Variants in TMC1 observed in about 807,000 individuals in gnomAD.
TMC1 encodes transmembrane channel like 1.
Under a neutral mutation model 105.8 loss-of-function variants are expected in TMC1, and 84 were observed. The ratio of observed to expected loss-of-function variants is 0.79; its 90% CI spans 0.67 to 0.95. TMC1 has a LOEUF of 0.95. TMC1 is among the 40% of genes least tolerant of loss of function. The probability of loss-of-function intolerance (pLI) is 0.00; values close to 1 mark genes in which losing one functional copy is unlikely to be tolerated. For missense variants in TMC1, 817 were observed against 914.1 expected (o/e 0.89, Z 1.37); for synonymous variants, 315 against 311.5 (o/e 1.01, Z -0.12).
chr9:72,730,601 T>C (rs1827195186), intron 8 of TMC1, among the ~76,000 whole-genome samples: 1 of 152,204 alleles, frequency 6.6e-6, no homozygotes, highest in Non-Finnish European at 1.5e-5. Context: ...GGGACCAGTG[T>C]CATGGATGAC....
At chr9:72,643,319 C>T (rs183778737) in intron 4 of TMC1, among the ~76,000 whole-genome samples, 196 of 152,300 alleles carry the variant, frequency 1.3e-3, no homozygotes, top group African/African-American at 4.4e-3. Flanking sequence ...TATACATTCA[C>T]ATGGAGAAAC....
chr9:72,725,789 C>T (rs1275209903), intron 8 of TMC1, among the ~76,000 whole-genome samples: 1 of 152,026 alleles, frequency 6.6e-6, no homozygotes, highest in Non-Finnish European at 1.5e-5. Flanking sequence ...CTCCCGGGTT[C>T]AAGCCATTCT....
chr9:72,562,401 A>G (rs1824072711), intron 1 of TMC1, among the ~76,000 whole-genome samples: 1 of 152,210 alleles, frequency 6.6e-6, no homozygotes, highest in Non-Finnish European at 1.5e-5. Flanking sequence ...TGTAATTTAC[A>G]TTTTTACATA....
intron 1 of TMC1, among the ~76,000 whole-genome samples, chr9:72,564,339 CAT>C (rs962506438): frequency 9.9e-5 from 15 of 152,180 alleles, no homozygotes; most frequent in Admixed American, 5.2e-4. Flanking sequence ...ATCCTGAACA[CAT>C]GTGTTCTTTT....
At chr9:72,651,066 T>C (rs1825807295) in intron 5 of TMC1, 1 of 147,178 alleles carries the variant, frequency 6.8e-6, no homozygotes, top group Non-Finnish European at 1.5e-5. Context: ...ATTTTATATA[T>C]ATATATCTAT....
rs1828342446 is a variant in TMC1, at chr9:72,795,193, G to T, written c.1566+2841G>T. On this transcript the variant is annotated intron_variant, in intron 17 of 23. Coordinates refer to ENST00000297784, the MANE Select transcript of TMC1 (RefSeq NM_138691.3). ...GGGATGGGGAAAAAGCAAACAACTT[G>T]GAAAACATATTTTAGGATATTATCC... Among the ~76,000 whole-genome samples the T allele has an allele frequency of 5.3e-5, 8 of 152,260 alleles. 1 individual carries two copies. In the South Asian group the frequency reaches 1.7e-3, roughly 32 times the overall value.
Position 72,816,197 on chromosome 9 carries a change from C to A in TMC1, c.1750C>A (p.Gln584Lys), listed in dbSNP as rs758288878. The A allele has an allele frequency of 1.2e-6, 2 of 1,613,578 alleles. No individual in the cohort carries two copies. The highest frequency in any genetic ancestry group is 1.7e-6 in the Non-Finnish European group (2 of 1,179,562). ...CAACGTCCTCGCTCTGATCTTCAAC[C>A]AAGGCATGATCTGGTAGGCCAGCTG... The part of the protein sequence containing the change: ...SGNVLALIFN[Q>K]GMIWMGSFFA... The change falls in exon 19 of 24, where the codon CAA becomes AAA. Residue 584 changes from glutamine to lysine, a missense_variant. Gln to Lys is a moderately conservative substitution (Grantham distance 53). Transcript: ENST00000297784.
Position 72,835,999 on chromosome 9 carries a change from G to T in TMC1, c.*26G>T. 1 of 1,590,344 alleles carries T rather than the reference G, an allele frequency of 6.3e-7. No homozygotes were observed. On this transcript the variant is annotated 3_prime_UTR_variant, in exon 24 of 24. Coordinates refer to ENST00000297784, the MANE Select transcript of TMC1 (RefSeq NM_138691.3). ...TAAGTATCCTGAGAGCCCAGAAAAG[G>T]TACACTTTGCCTTGCTGTTTAAAAG... is the stretch of plus-strand genomic sequence containing the variant.
chr9:72,578,890 G>C (rs1824431593), intron 2 of TMC1, among the ~76,000 whole-genome samples: 1 of 152,130 alleles, frequency 6.6e-6, no homozygotes, highest in East Asian at 1.9e-4. Flanking sequence ...TCTCAGAATC[G>C]TAAACTCCCC....
chr9:72,763,235 C>T (rs1827784091), intron 12 of TMC1, among the ~76,000 whole-genome samples: 1 of 151,966 alleles, frequency 6.6e-6, no homozygotes, highest in African/African-American at 2.4e-5. Flanking sequence ...AATATGAAAA[C>T]AGCATTCCTT....
chr9:72,651,012 A>G (rs1019320707), intron 5 of TMC1, among the ~76,000 whole-genome samples: 12 of 146,894 alleles, frequency 8.2e-5, no homozygotes, highest in Non-Finnish European at 1.6e-4. Flanking sequence ...CACATAAGAC[A>G]TAATCTCGTT....
intron 5 of TMC1, among the ~76,000 whole-genome samples, chr9:72,660,787 CAAT>C (rs1237210731): frequency 6.6e-6 from 1 of 152,176 alleles, no homozygotes; most frequent in African/African-American, 2.4e-5. Context: ...CCCCGTATTA[CAAT>C]AATGTCATTC....
intron 23 of TMC1, 131 bp downstream of exon 23, chr9:72,830,813 C>A: frequency 2.5e-6 from 2 of 788,254 alleles, no homozygotes; most frequent in Non-Finnish European, 4.1e-6. Context: ...ATTCCACAAT[C>A]CTTACCTTCC....
At chr9:72,756,191 A>G (rs2118072856) in intron 12 of TMC1, among the ~76,000 whole-genome samples, 1 of 152,340 alleles carries the variant, frequency 6.6e-6, no homozygotes, top group East Asian at 1.9e-4. Flanking sequence ...TTTAAACTGA[A>G]TTATAAACTT....
chr9:72,535,930 T>C (rs1243184604), intron 1 of TMC1, among the ~76,000 whole-genome samples: 2 of 152,124 alleles, frequency 1.3e-5, no homozygotes, highest in Admixed American at 1.3e-4. Flanking sequence ...TGAATGATTC[T>C]CCCCCATGAC....
chr9:72,806,451 C>T (rs1481620535), intron 18 of TMC1, among the ~76,000 whole-genome samples: 2 of 151,490 alleles, frequency 1.3e-5, no homozygotes, highest in East Asian at 2.0e-4. Flanking sequence ...GGAGACGCTC[C>T]TCAGTTCCCA....
intron 4 of TMC1, among the ~76,000 whole-genome samples, chr9:72,647,747 G>A (rs918837602): frequency 4.6e-5 from 7 of 152,086 alleles, no homozygotes; most frequent in Non-Finnish European, 4.4e-5. Flanking sequence ...GCCAAAAGCT[G>A]CTCCAGTATA....
chr9:72,601,552 A>G (rs1177262036), intron 2 of TMC1, among the ~76,000 whole-genome samples: 8 of 152,132 alleles, frequency 5.3e-5, no homozygotes, highest in East Asian at 1.9e-4. Flanking sequence ...GGCTGAGGCC[A>G]GAGAATCGCT....
At chr9:72,683,120 T>G (rs1826314471) in intron 5 of TMC1, among the ~76,000 whole-genome samples, 1 of 152,150 alleles carries the variant, frequency 6.6e-6, no homozygotes, top group African/African-American at 2.4e-5. Flanking sequence ...TGGCACAAAT[T>G]TGAACCATAT....
Sources: gnomAD v4.1 joint callset for allele counts (sites outside exome capture counted in the v4.1 genomes callset) on GRCh38, gnomAD v4.1.1 for gene constraint, MANE v1.5 for transcripts, NCBI Gene and HGNC (gene_info 2026-07-23, HGNC 2026-07-21) for gene names.